Variants in GNB4 observed in about 807,000 individuals in gnomAD.
GNB4 encodes G protein subunit beta 4, also known as guanine nucleotide-binding protein subunit beta-4.
GNB4 carries 28 observed loss-of-function variants against 45.2 expected under a neutral mutation model. That is an observed-to-expected ratio of 0.62 (90% CI 0.46 to 0.85). The LOEUF is 0.85. Ranked by LOEUF, GNB4 falls within the 40% of genes least tolerant of loss-of-function variation. The pLI is 0.00. For missense variants in GNB4, 321 were observed against 425.4 expected (o/e 0.75, Z 2.16); for synonymous variants, 132 against 143.7 (o/e 0.92, Z 0.58).
At chr3:179,518,140 A>G in the GNB4 span, among the ~76,000 whole-genome samples, 1 of 152,088 alleles carries the variant, frequency 6.6e-6, no homozygotes, top group Non-Finnish European at 1.5e-5. Flanking sequence ...GTGTTCTCAG[A>G]AACTTAAAAC....
chr3:179,414,093 G>A (rs967203377), intron 6 of GNB4, among the ~76,000 whole-genome samples: 2 of 152,138 alleles, frequency 1.3e-5, no homozygotes, highest in Non-Finnish European at 1.5e-5. Context: ...ATCTATGGCC[G>A]ACTGTGTTAA....
chr3:179,418,701 C>T (rs1032462434), intron 4 of GNB4, among the ~76,000 whole-genome samples: 1 of 152,152 alleles, frequency 6.6e-6, no homozygotes, highest in Non-Finnish European at 1.5e-5. Context: ...ATAGAAGTTT[C>T]TTGGTTTAGG....
the GNB4 span, among the ~76,000 whole-genome samples, chr3:179,506,124 C>T: frequency 6.6e-6 from 1 of 152,174 alleles, no homozygotes; most frequent in Non-Finnish European, 1.5e-5. Flanking sequence ...AGGAGGATCG[C>T]TTGAGCTTAG....
chr3:179,416,693 T>C, intron 4 of GNB4, 137 bp from the exon 5 acceptor site: 1 of 480,292 alleles, frequency 2.1e-6, no homozygotes, highest in East Asian at 3.5e-5. Context: ...AAAAATGTTC[T>C]TCCAACTTTT....
chr3:179,485,236 T>A, the GNB4 span, among the ~76,000 whole-genome samples: 1 of 151,950 alleles, frequency 6.6e-6, no homozygotes, highest in Non-Finnish European at 1.5e-5. Context: ...ATGGTCTCCA[T>A]CTCCTGACCT....
chr3:179,455,617 G>C (rs1013567417), upstream of GNB4, among the ~76,000 whole-genome samples: 7 of 152,152 alleles, frequency 4.6e-5, no homozygotes, highest in Admixed American at 3.9e-4. Context: ...TTTTCAAAAG[G>C]AACTCTGATC....
chr3:179,461,029 G>T, the GNB4 span, among the ~76,000 whole-genome samples: 1 of 151,838 alleles, frequency 6.6e-6, no homozygotes, highest in Non-Finnish European at 1.5e-5. Flanking sequence ...CTGTGTCCAG[G>T]GGCCCCTTCT....
chr3:179,504,505 A>C, the GNB4 span, among the ~76,000 whole-genome samples: 1 of 152,278 alleles, frequency 6.6e-6, no homozygotes, highest in South Asian at 2.1e-4. Flanking sequence ...TTTTGGAAAT[A>C]GTTATTAGAA....
At chr3:179,405,827 CAGAATTT>C (rs1714454306) in intron 8 of GNB4, 1 of 154,618 alleles carries the variant, frequency 6.5e-6, no homozygotes, top group Non-Finnish European at 1.4e-5. Flanking sequence ...TTTCAGAATT[CAGAATTT>C]TTCAGATTTT....
chr3:179,525,104 A>T, the GNB4 span, among the ~76,000 whole-genome samples: 1 of 152,090 alleles, frequency 6.6e-6, no homozygotes, highest in Non-Finnish European at 1.5e-5. Context: ...AAGAAGAAGG[A>T]TATCGGGTGA....
At chr3:179,489,046 A>ATATATATATATATATATTATATT in the GNB4 span, among the ~76,000 whole-genome samples, 1 of 38,764 alleles carries the variant, frequency 2.6e-5, no homozygotes, top group African/African-American at 1.0e-4. Context: ...ATATATATAT[A>ATATATATATATATATATTATATT]ATATATATGT....
chr3:179,462,650 C>T, the GNB4 span, among the ~76,000 whole-genome samples: 1 of 152,148 alleles, frequency 6.6e-6, no homozygotes, highest in Admixed American at 6.6e-5. Context: ...ACCAGCCTGG[C>T]CAATATGGTG....
At chr3:179,526,879 G>A in the GNB4 span, among the ~76,000 whole-genome samples, 1 of 152,032 alleles carries the variant, frequency 6.6e-6, no homozygotes, top group South Asian at 2.1e-4. Flanking sequence ...ATTCTTTTTG[G>A]CACCATTCCC....
intron 1 of GNB4, among the ~76,000 whole-genome samples, chr3:179,444,476 G>A (rs1312192862): frequency 6.9e-6 from 1 of 143,896 alleles, no homozygotes; most frequent in Non-Finnish European, 1.5e-5. Flanking sequence ...CTTTTAATAC[G>A]TAATACAGAT....
At chr3:179,512,418 T>C in the GNB4 span, among the ~76,000 whole-genome samples, 5 of 152,212 alleles carry the variant, frequency 3.3e-5, no homozygotes, top group Non-Finnish European at 7.3e-5. Context: ...AAATGCTACA[T>C]TTAGAGAACA....
At chr3:179,415,355 G>A (rs1418622527) in intron 5 of GNB4, among the ~76,000 whole-genome samples, 1 of 152,118 alleles carries the variant, frequency 6.6e-6, no homozygotes, top group African/African-American at 2.4e-5. Context: ...GAAAAATTAA[G>A]TGTAAAATGT....
chr3:179,515,183 A>C, the GNB4 span, among the ~76,000 whole-genome samples: 2 of 152,376 alleles, frequency 1.3e-5, no homozygotes, highest in South Asian at 4.1e-4. Flanking sequence ...AGCTACTAGC[A>C]CTGGGTGTTT....
the GNB4 span, among the ~76,000 whole-genome samples, chr3:179,522,495 T>A: frequency 6.6e-6 from 1 of 152,184 alleles, no homozygotes; most frequent in Non-Finnish European, 1.5e-5. Flanking sequence ...GAAGGCATAT[T>A]TACAGTCAGT....
At chr3:179,431,557 CA>C (rs71181291) in intron 1 of GNB4, among the ~76,000 whole-genome samples, 173 of 128,498 alleles carry the variant, frequency 1.3e-3, no homozygotes, top group African/African-American at 2.0e-3. Context: ...GACTCTGTCT[CA>C]AAAAAAAAAA....
Sources: gnomAD v4.1 joint callset for allele counts (sites outside exome capture counted in the v4.1 genomes callset) on GRCh38, gnomAD v4.1.1 for gene constraint, MANE v1.5 for transcripts, NCBI Gene and HGNC (gene_info 2026-07-23, HGNC 2026-07-21) for gene names.